The following SLC16A12 variants were observed in gnomAD, a reference collection of about 807,000 sequenced individuals.
SLC16A12 encodes the protein monocarboxylate transporter 12.
Under a neutral mutation model 42.4 loss-of-function variants are expected in SLC16A12, and 17 were observed. The ratio of observed to expected loss-of-function variants is 0.40; its 90% CI spans 0.27 to 0.60. The LOEUF is 0.60. Ranked by LOEUF, SLC16A12 falls within the 20% of genes least tolerant of loss-of-function variation. The probability of loss-of-function intolerance (pLI) is 0.42; values close to 1 mark genes in which losing one functional copy is unlikely to be tolerated. For missense variants in SLC16A12, 544 were observed against 623.0 expected (o/e 0.87, Z 1.35); for synonymous variants, 224 against 229.4 (o/e 0.98, Z 0.21).
intron 3 of SLC16A12, among the ~76,000 whole-genome samples, chr10:89,460,010 A>G (rs186654857): frequency 6.6e-6 from 1 of 152,360 alleles, no homozygotes; most frequent in African/African-American, 2.4e-5. Context: ...TATTAAATAG[A>G]GGGTGAATAA....
At chr10:89,540,430 T>C (rs11185748), upstream of SLC16A12, among the ~76,000 whole-genome samples, 5,824 of 152,234 alleles carry the variant, frequency 0.038, 160 homozygotes, top group Middle Eastern at 0.054. Flanking sequence ...TCTTTTTTTG[T>C]TCCTCTTTCA....
chr10:89,478,292 T>G (rs1234878650), intron 2 of SLC16A12, among the ~76,000 whole-genome samples: 2 of 152,150 alleles, frequency 1.3e-5, no homozygotes, highest in East Asian at 3.9e-4. Context: ...CCACACCTAC[T>G]CCTGCATTCC....
chr10:89,468,318 G>C (rs946788402), intron 2 of SLC16A12, among the ~76,000 whole-genome samples: 20 of 152,132 alleles, frequency 1.3e-4, no homozygotes, highest in Non-Finnish European at 2.1e-4. Flanking sequence ...AAGCGCACTC[G>C]ATCCTCACCA....
intron 2 of SLC16A12, among the ~76,000 whole-genome samples, chr10:89,510,662 T>C (rs779863060): frequency 6.6e-6 from 1 of 152,062 alleles, no homozygotes; most frequent in Non-Finnish European, 1.5e-5. Context: ...CATTCAGACA[T>C]AGGCCTGGGC....
chr10:89,530,845 T>A (rs1437003838), intron 2 of SLC16A12, among the ~76,000 whole-genome samples: 1 of 152,158 alleles, frequency 6.6e-6, no homozygotes, highest in East Asian at 1.9e-4. Context: ...CCTACCCCAC[T>A]TCCCTGGCAA....
chr10:89,554,293 C>G (rs999580557), intron 2 of SLC16A12, among the ~76,000 whole-genome samples: 3 of 152,090 alleles, frequency 2.0e-5, no homozygotes, highest in African/African-American at 7.2e-5. Context: ...AAATGAGAAG[C>G]CAGGAAGGCA....
At chr10:89,472,846 C>A (rs530622548) in intron 2 of SLC16A12, among the ~76,000 whole-genome samples, 1 of 151,758 alleles carries the variant, frequency 6.6e-6, no homozygotes, top group Non-Finnish European at 1.5e-5. Context: ...GAGACAGGAT[C>A]TCACTCTGTC....
At chr10:89,487,523 A>G (rs541353477) in intron 2 of SLC16A12, among the ~76,000 whole-genome samples, 16 of 152,068 alleles carry the variant, frequency 1.1e-4, no homozygotes, top group Admixed American at 9.8e-4. Context: ...ATTGTTGGCC[A>G]AGTATGGTGG....
At chr10:89,468,576 G>T (rs1354342330) in intron 2 of SLC16A12, among the ~76,000 whole-genome samples, 2 of 152,214 alleles carry the variant, frequency 1.3e-5, no homozygotes, top group African/African-American at 4.8e-5. Context: ...ACGACAAAAG[G>T]AAGGGGGGAG....
intron 3 of SLC16A12, among the ~76,000 whole-genome samples, chr10:89,444,766 G>A (rs1841970975): frequency 6.6e-6 from 1 of 152,240 alleles, no homozygotes. Context: ...GACAGTGGGT[G>A]TAGCCCATGG....
At chr10:89,548,442 A>T (rs114594417) in intron 2 of SLC16A12, among the ~76,000 whole-genome samples, 1,637 of 152,210 alleles carry the variant, frequency 0.011, 26 homozygotes, top group African/African-American at 0.037. Context: ...TGTGCAAAAG[A>T]GGTTGGATGA....
intron 2 of SLC16A12, among the ~76,000 whole-genome samples, chr10:89,519,178 T>C (rs1307280754): frequency 6.6e-6 from 1 of 152,114 alleles, no homozygotes; most frequent in African/African-American, 2.4e-5. Context: ...ATATTGATAC[T>C]GTGCCACAAA....
At chr10:89,435,973 C>T in intron 7 of SLC16A12, 87 bp downstream of exon 7, 1 of 1,568,970 alleles carries the variant, frequency 6.4e-7, no homozygotes, top group Non-Finnish European at 8.7e-7. Flanking sequence ...CTTGACAGTC[C>T]TTCTCATTGA....
chr10:89,462,468 A>G lies in SLC16A12; in HGVS notation c.111T>C (p.Ala37=), dbSNP rs1168312965. Residue 37 remains alanine (A), a synonymous_variant, in exon 3 of 8, where the codon GCT becomes GCC. Coordinates refer to ENST00000371790, the MANE Select transcript of SLC16A12 (RefSeq NM_213606.4). Reference sequence around the variant, plus strand: ...CTCCATCTGGAGGGGAGGTAGACCGAGCTCTATTTACTTTTGCCATGGTTT... The same window carrying G: ...CTCCATCTGGAGGGGAGGTAGACCGGGCTCTATTTACTTTTGCCATGGTTT... ...KRKTMAKVNR[A]RSTSPPDGGW... 6.2e-7 allele frequency: 1 copy of G among 1,613,614 alleles called. No homozygotes were observed. The highest frequency in any genetic ancestry group is 1.1e-5 in the South Asian group (1 of 91,060).
intron 2 of SLC16A12, among the ~76,000 whole-genome samples, chr10:89,527,622 C>A (rs1564600395): frequency 6.7e-6 from 1 of 149,560 alleles, no homozygotes; most frequent in African/African-American, 2.5e-5. Flanking sequence ...CATAGTAAGA[C>A]TCCATTTCCA....
chr10:89,479,469 T>C (rs1842631131), intron 2 of SLC16A12, among the ~76,000 whole-genome samples: 1 of 152,226 alleles, frequency 6.6e-6, no homozygotes, highest in African/African-American at 2.4e-5. Context: ...GAGCAAAGTA[T>C]TGCAACCCTA....
rs1842033374 is a variant in SLC16A12, at chr10:89,448,113, A to T, written c.201-4254T>A. The stretch of plus-strand genomic sequence containing the variant: ...AACAGGCTCTGAAATTGAGGCAATA[A>T]TTAATAGCCTACCAACCAAAAAAAG... On this transcript the variant is annotated intron_variant, in intron 3 of 7. Coordinates refer to ENST00000371790, the MANE Select transcript of SLC16A12 (RefSeq NM_213606.4). Among the ~76,000 whole-genome samples the T allele has an allele frequency of 4.6e-5, 7 of 152,364 alleles. No homozygotes were observed. The South Asian group carries it at 1.4e-3, about 32-fold the overall frequency.
At chr10:89,514,619 A>C (rs1367000251) in intron 2 of SLC16A12, among the ~76,000 whole-genome samples, 3 of 151,926 alleles carry the variant, frequency 2.0e-5, no homozygotes, top group Non-Finnish European at 4.4e-5. Context: ...CATCATGAAG[A>C]CTCCATCCTT....
chr10:89,472,479 TTTTC>T (rs1352409502), intron 2 of SLC16A12, among the ~76,000 whole-genome samples: 30 of 147,366 alleles, frequency 2.0e-4, no homozygotes, highest in African/African-American at 7.2e-4. Flanking sequence ...TTTTCTTTTC[TTTTC>T]TTTCTTTTTT....
Sources: allele counts gnomAD v4.1 joint callset (sites outside exome capture counted in the v4.1 genomes callset), GRCh38; gene constraint gnomAD v4.1.1; transcripts MANE v1.5; gene names NCBI Gene and HGNC (gene_info 2026-07-23, HGNC 2026-07-21).